PPP1R16B: variants seen among roughly 807,000 people sequenced by gnomAD.
The protein encoded by PPP1R16B is protein phosphatase 1 regulatory subunit 16B.
Under a neutral mutation model 61.7 loss-of-function variants are expected in PPP1R16B, and 14 were observed. The observed-to-expected ratio is 0.23, with a 90% CI of 0.15 to 0.35. The LOEUF (loss-of-function observed/expected upper bound fraction) is 0.35, where lower values mean the gene tolerates loss of function less well. Among genes scored for constraint, PPP1R16B ranks in the 10% least tolerant of loss-of-function variants. The pLI is 1.00. For missense variants in PPP1R16B, 547 were observed against 752.5 expected, an observed-to-expected ratio of 0.73 and a Z score of 3.19; for synonymous variants, 266 against 305.3, an observed-to-expected ratio of 0.87 and a Z score of 1.34.
At chr20:38,871,332 C>G (rs1405537665) in intron 2 of PPP1R16B, among the ~76,000 whole-genome samples, 1 of 152,076 alleles carries the variant, frequency 6.6e-6, no homozygotes, top group Non-Finnish European at 1.5e-5. Context: ...AACCTGCACT[C>G]AAACAAGCAG....
chr20:38,865,139 T>C (rs1479383083), intron 2 of PPP1R16B, among the ~76,000 whole-genome samples: 3 of 152,140 alleles, frequency 2.0e-5, no homozygotes, highest in African/African-American at 4.8e-5. Flanking sequence ...TAGATGATCC[T>C]GGGGCCCCGG....
chr20:38,807,566 C>A (rs1361881817), intron 1 of PPP1R16B, among the ~76,000 whole-genome samples: 1 of 152,118 alleles, frequency 6.6e-6, no homozygotes, highest in Non-Finnish European at 1.5e-5. Context: ...CCGGTGGGGG[C>A]CAGCAAATCC....
chr20:38,851,778 T>C (rs1348926319), intron 2 of PPP1R16B, among the ~76,000 whole-genome samples: 1 of 152,218 alleles, frequency 6.6e-6, no homozygotes, highest in Non-Finnish European at 1.5e-5. Context: ...CCCAGCACTT[T>C]GGGAGGCCAA....
At chr20:38,840,153 C>A (rs1391221807) in intron 2 of PPP1R16B, among the ~76,000 whole-genome samples, 1 of 152,204 alleles carries the variant, frequency 6.6e-6, no homozygotes, top group Non-Finnish European at 1.5e-5. Context: ...AGCTTCCTGG[C>A]AGCACTACAG....
intron 10 of PPP1R16B, among the ~76,000 whole-genome samples, chr20:38,916,083 A>G (rs902598376): frequency 4.7e-4 from 70 of 149,694 alleles, no homozygotes; most frequent in African/African-American, 1.6e-3. Context: ...AAAAAAAAAA[A>G]GGTTGGACTC....
chr20:38,891,584 G>C (rs185501797), intron 3 of PPP1R16B, among the ~76,000 whole-genome samples: 13 of 152,304 alleles, frequency 8.5e-5, no homozygotes, highest in Admixed American at 5.9e-4. Context: ...TGGATCACCT[G>C]AAGTCAGGAG....
intron 2 of PPP1R16B, among the ~76,000 whole-genome samples, chr20:38,839,199 G>C (rs1448204601): frequency 6.6e-6 from 1 of 152,166 alleles, no homozygotes; most frequent in Admixed American, 6.5e-5. Context: ...AAAGTGCTGG[G>C]ATTACAGGTG....
At chr20:38,828,169 T>G (rs1343791814) in intron 1 of PPP1R16B, among the ~76,000 whole-genome samples, 1 of 152,214 alleles carries the variant, frequency 6.6e-6, no homozygotes, top group Admixed American at 6.5e-5. Flanking sequence ...TCCAAAAATG[T>G]GTCAACCGAC....
At chr20:38,861,921 C>A (rs1317406977) in intron 2 of PPP1R16B, among the ~76,000 whole-genome samples, 3 of 152,000 alleles carry the variant, frequency 2.0e-5, no homozygotes, top group Non-Finnish European at 2.9e-5. Flanking sequence ...ATGATCCACC[C>A]ACCTCGGCCT....
At chr20:38,830,126 G>T (rs1378235313) in intron 1 of PPP1R16B, among the ~76,000 whole-genome samples, 1 of 152,226 alleles carries the variant, frequency 6.6e-6, no homozygotes, top group African/African-American at 2.4e-5. Context: ...GCACTGTGCT[G>T]TGAGTCAGGC....
intron 10 of PPP1R16B, among the ~76,000 whole-genome samples, chr20:38,915,354 C>T (rs549409787): frequency 6.6e-6 from 1 of 152,318 alleles, no homozygotes. Context: ...CACTAAACAG[C>T]CCTGGTATTC....
chr20:38,815,890 T>A (rs2084732174), intron 1 of PPP1R16B, among the ~76,000 whole-genome samples: 1 of 152,162 alleles, frequency 6.6e-6, no homozygotes, highest in Non-Finnish European at 1.5e-5. Flanking sequence ...GGCAGACAAA[T>A]GAACAAATAA....
At chr20:38,808,173 C>T (rs1378661232) in intron 1 of PPP1R16B, among the ~76,000 whole-genome samples, 1 of 152,182 alleles carries the variant, frequency 6.6e-6, no homozygotes, top group African/African-American at 2.4e-5. Context: ...CCTCACAACC[C>T]CGTGAAGTAG....
Position 38,836,079 on chromosome 20 carries a change from G to T in PPP1R16B, c.154G>T (p.Glu52Ter). Reference protein sequence around the residue: ...QDLQHRKRKHERKRSTGGRRK... With the variant: ...QDLQHRKRKH Reference sequence around the variant, plus strand: ...CTTGCAGCACCGCAAGCGAAAGCATGAGCGGAAGCGCAGCACGGGCGGCCG... The same window carrying T: ...CTTGCAGCACCGCAAGCGAAAGCATTAGCGGAAGCGCAGCACGGGCGGCCG... Residue 52 changes from glutamate to a stop codon, truncating the protein, a stop_gained, in exon 2 of 11, where the codon GAG (glutamate) becomes TAG (stop). Transcript: ENST00000299824. LOFTEE classifies it high-confidence loss of function. 1 of 1,611,808 alleles carries T rather than the reference G, an allele frequency of 6.2e-7. No individual in the cohort carries two copies. Among genetic ancestry groups the T allele is most frequent in the South Asian group, 1.1e-5 (1 of 90,942 alleles).
At chr20:38,823,497 T>C (rs1601236783) in intron 1 of PPP1R16B, among the ~76,000 whole-genome samples, 1 of 152,098 alleles carries the variant, frequency 6.6e-6, no homozygotes, top group African/African-American at 2.4e-5. Flanking sequence ...AAAAATTAGC[T>C]GGGCAGAGTG....
chr20:38,894,659 C>T (rs905101341), intron 3 of PPP1R16B, among the ~76,000 whole-genome samples: 1 of 152,212 alleles, frequency 6.6e-6, no homozygotes, highest in South Asian at 2.1e-4. Context: ...TGCTGGCTTT[C>T]GCAGAGGTCA....
At chr20:38,877,590 G>A (rs1351313836) in intron 2 of PPP1R16B, among the ~76,000 whole-genome samples, 2 of 152,068 alleles carry the variant, frequency 1.3e-5, no homozygotes, top group East Asian at 1.9e-4. Flanking sequence ...GGGATTACAG[G>A]TGTGAGTCAC....
chr20:38,825,943 A>G (rs2084802900), intron 1 of PPP1R16B, among the ~76,000 whole-genome samples: 1 of 152,196 alleles, frequency 6.6e-6, no homozygotes, highest in Admixed American at 6.5e-5. Context: ...CCCTGTTATC[A>G]CACATGGCTT....
At chr20:38,888,434 G>C (rs1472792633) in intron 2 of PPP1R16B, among the ~76,000 whole-genome samples, 1 of 152,230 alleles carries the variant, frequency 6.6e-6, no homozygotes, top group Non-Finnish European at 1.5e-5. Flanking sequence ...CCCAGTAACT[G>C]CACAGTCTAC....
Sources: allele counts gnomAD v4.1 joint callset (sites outside exome capture counted in the v4.1 genomes callset), GRCh38; gene constraint gnomAD v4.1.1; transcripts MANE v1.5; gene names NCBI Gene and HGNC (gene_info 2026-07-23, HGNC 2026-07-21).